The following NINJ2 variants were observed in gnomAD, a reference collection of about 807,000 sequenced individuals.
The protein encoded by NINJ2 is ninjurin 2.
NINJ2 carries 12 observed loss-of-function variants against 11.7 expected under a neutral mutation model. That is an observed-to-expected ratio of 1.02 (90% CI 0.66 to 1.66). NINJ2 has a LOEUF of 1.66. NINJ2 is among the 40% of genes most tolerant of loss of function. The pLI is 0.00. For synonymous variants in NINJ2, 93 were observed against 76.8 expected, an observed-to-expected ratio of 1.21 and a Z score of -1.10; for missense variants, 187 against 181.8, an observed-to-expected ratio of 1.03 and a Z score of -0.16.
At chr12:621,367 T>C (rs905026579) in intron 1 of NINJ2, among the ~76,000 whole-genome samples, 2 of 151,132 alleles carry the variant, frequency 1.3e-5, no homozygotes, top group Admixed American at 6.6e-5. Flanking sequence ...AATGGGAGAA[T>C]TGCTTGATCC....
intron 1 of NINJ2, among the ~76,000 whole-genome samples, chr12:625,613 C>G (rs1948203412): frequency 1.3e-5 from 2 of 151,966 alleles, no homozygotes; most frequent in African/African-American, 4.8e-5. Flanking sequence ...CAAAAGGGAC[C>G]TTGGCCTCCG....
rs1225080908 is a variant in NINJ2, at chr12:633,782, T to C, written c.33+29546A>G. Among the ~76,000 whole-genome samples, 2 of 152,184 alleles carry C rather than the reference T, an allele frequency of 1.3e-5. No homozygotes were observed. The highest frequency in any genetic ancestry group is 1.9e-4 in the East Asian group (1 of 5,194). On this transcript the variant is annotated intron_variant, in intron 1 of 3. Coordinates refer to ENST00000305108, the MANE Select transcript of NINJ2 (RefSeq NM_016533.6). This position sits in a 1 kb window ranked among gnomAD's most constrained non-coding sequence, Gnocchi z 4.3. ...GTGAGCCAAGACTGCCCCACTGCACTCTATCCTGGGTAACAGAGTGAGATT... is the reference window on the plus strand; with the variant it reads ...GTGAGCCAAGACTGCCCCACTGCACCCTATCCTGGGTAACAGAGTGAGATT...
intron 1 of NINJ2, among the ~76,000 whole-genome samples, chr12:642,477 C>A (rs1440474142): frequency 6.6e-6 from 1 of 152,220 alleles, no homozygotes; most frequent in Non-Finnish European, 1.5e-5. Context: ...GTCCCCCCGC[C>A]TCGGCCTGCC....
chr12:630,444 G>T (rs1422939692), intron 1 of NINJ2, among the ~76,000 whole-genome samples: 1 of 151,360 alleles, frequency 6.6e-6, no homozygotes, highest in African/African-American at 2.4e-5. Context: ...GTGTGATCTC[G>T]GCTCACTGCA....
chr12:609,708 T>C (rs956209582), intron 1 of NINJ2, among the ~76,000 whole-genome samples: 6 of 148,550 alleles, frequency 4.0e-5, no homozygotes, highest in African/African-American at 1.5e-4. Context: ...GAGGCGGAGC[T>C]TGCAGTGAGC....
intron 1 of NINJ2, among the ~76,000 whole-genome samples, chr12:652,662 A>C (rs1386213399): frequency 6.6e-6 from 1 of 152,166 alleles, no homozygotes; most frequent in Non-Finnish European, 1.5e-5. Context: ...AAATGAAAAA[A>C]TTCAGCCAGG....
intron 1 of NINJ2, among the ~76,000 whole-genome samples, chr12:656,514 G>GTA (rs1007121137): frequency 6.6e-6 from 1 of 151,832 alleles, no homozygotes; most frequent in Non-Finnish European, 1.5e-5. Flanking sequence ...ACTTTGGGAG[G>GTA]TAGGGTCTGG....
In NINJ2 at chr12:580,712, C is replaced by G. The variant is rs1056853219; in HGVS notation, c.34-14534G>C. On this transcript the variant is annotated intron_variant, in intron 1 of 3. Coordinates refer to ENST00000305108, the MANE Select transcript of NINJ2 (RefSeq NM_016533.6). The surrounding 1 kb of genome is among the most constrained non-coding windows in gnomAD (Gnocchi z 4.7). ...TCTTCTGTGGCACCTTCTGGGGGTG[C>G]CTGCCAATGGCTATAGTATACAAAC... is the stretch of plus-strand genomic sequence containing the variant. Among the ~76,000 whole-genome samples the G allele has an allele frequency of 2.0e-5, 3 of 152,186 alleles. No individual in the cohort carries two copies. In the South Asian group the frequency reaches 6.2e-4, roughly 31 times the overall value.
In NINJ2 at chr12:565,273, C is replaced by T. The variant is rs923333717; in HGVS notation, c.391G>A (p.Gly131Arg). Residue 131 changes from glycine (G) to arginine (R), a missense_variant, in exon 3 of 4, where the codon GGG (glycine) becomes AGG (arginine). Coordinates refer to ENST00000305108, the MANE Select transcript of NINJ2 (RefSeq NM_016533.6). ...CTTGAGGCCCTGGCAGCCAGGAACC[C>T]TGTTTTATGTGCCCCGAAGGCTGTA... ...FITAFGAHKTGFLAARASRNP... is the reference protein window; with the variant it reads ...FITAFGAHKTRFLAARASRNP... 2 of 1,614,082 alleles carry T rather than the reference C, an allele frequency of 1.2e-6. No homozygotes were observed. The highest frequency in any genetic ancestry group is 2.7e-5 in the African/African-American group (2 of 74,938).
intron 1 of NINJ2, chr12:586,238 C>A (rs1201416917): frequency 6.6e-6 from 1 of 152,248 alleles, no homozygotes; most frequent in East Asian, 1.9e-4. Context: ...GGGAAGCTGG[C>A]CCAGCCTACC....
At chr12:622,522 A>AAC (rs939726141) in intron 1 of NINJ2, among the ~76,000 whole-genome samples, 7 of 151,966 alleles carry the variant, frequency 4.6e-5, no homozygotes, top group African/African-American at 1.4e-4. Flanking sequence ...CTATTTGTTT[A>AAC]AAGGCCCTTT....
At chr12:599,727 T>C (rs1255433666) in intron 1 of NINJ2, among the ~76,000 whole-genome samples, 3 of 152,294 alleles carry the variant, frequency 2.0e-5, no homozygotes, top group East Asian at 3.9e-4. Context: ...AGTCTGGAAG[T>C]GCGGAGGCCC....
At chr12:631,233 G>A (rs1288112099) in intron 1 of NINJ2, among the ~76,000 whole-genome samples, 1 of 152,216 alleles carries the variant, frequency 6.6e-6, no homozygotes, top group South Asian at 2.1e-4. Context: ...TGAAGGAAAA[G>A]CAAACGGAAG....
chr12:631,869 CAG>C (rs1426910519), intron 1 of NINJ2, among the ~76,000 whole-genome samples: 1 of 152,162 alleles, frequency 6.6e-6, no homozygotes, highest in East Asian at 1.9e-4. Flanking sequence ...TAGGTATAAA[CAG>C]AGTAGAACTC....
chr12:646,926 TGGA>T (rs35216189), intron 1 of NINJ2, among the ~76,000 whole-genome samples: 20,342 of 152,062 alleles, frequency 0.13, 1,662 homozygotes, highest in Non-Finnish European at 0.18. Flanking sequence ...TCTCCTGGCG[TGGA>T]GCCTGGTCAA....
chr12:648,181 C>T (rs1937721487), intron 1 of NINJ2, among the ~76,000 whole-genome samples: 1 of 152,200 alleles, frequency 6.6e-6, no homozygotes, highest in African/African-American at 2.4e-5. Context: ...TCAAGCGATT[C>T]TCCAGCCTCA....
intron 1 of NINJ2, among the ~76,000 whole-genome samples, chr12:608,443 C>T (rs1006829521): frequency 6.6e-6 from 1 of 152,224 alleles, no homozygotes; most frequent in Non-Finnish European, 1.5e-5. Flanking sequence ...CTACTTCTCA[C>T]AGCAACTTCA....
chr12:595,917 T>C (rs1947778328), intron 1 of NINJ2, among the ~76,000 whole-genome samples: 1 of 152,074 alleles, frequency 6.6e-6, no homozygotes, highest in African/African-American at 2.4e-5. Flanking sequence ...GGCAAGTAAG[T>C]ATATAAAAAG....
At chr12:573,986 C>T (rs1456975514) in intron 1 of NINJ2, among the ~76,000 whole-genome samples, 1 of 152,168 alleles carries the variant, frequency 6.6e-6, no homozygotes, top group Admixed American at 6.5e-5. Flanking sequence ...GTAATCCCAG[C>T]AGTTTGGGAG....
Sources: allele counts gnomAD v4.1 joint callset (sites outside exome capture counted in the v4.1 genomes callset), GRCh38; gene constraint gnomAD v4.1.1; non-coding constraint Gnocchi (gnomAD v3.1); transcripts MANE v1.5; gene names NCBI Gene and HGNC (gene_info 2026-07-23, HGNC 2026-07-21).